The following ROR2 variants were observed in gnomAD, a reference collection of about 807,000 sequenced individuals.
The protein encoded by ROR2 is ROR family WNT receptor 2.
A neutral mutation model predicts 74.9 loss-of-function variants in ROR2; 33 were observed. That is an observed-to-expected ratio of 0.44 (90% CI 0.33 to 0.59). The LOEUF (loss-of-function observed/expected upper bound fraction) is 0.59. ROR2 is among the 20% of genes least tolerant of loss of function. The pLI, the probability that ROR2 is intolerant of heterozygous loss-of-function variation, is 0.02. For missense variants in ROR2, 1,216 were observed against 1,313.8 expected (o/e 0.93, Z 1.15); for synonymous variants, 586 against 558.7 (o/e 1.05, Z -0.69).
chr9:91,845,086 T>C (rs1449035592), intron 1 of ROR2, among the ~76,000 whole-genome samples: 2 of 152,186 alleles, frequency 1.3e-5, no homozygotes, highest in African/African-American at 4.8e-5. Context: ...TTGTATTTTC[T>C]GCCCTCCCCA....
chr9:91,735,923 T>G (rs1825009039), intron 5 of ROR2, among the ~76,000 whole-genome samples: 1 of 152,134 alleles, frequency 6.6e-6, no homozygotes, highest in African/African-American at 2.4e-5. Context: ...GCCACTTTTT[T>G]ATTTAATGAA....
intron 2 of ROR2, among the ~76,000 whole-genome samples, chr9:91,763,705 G>T (rs934637245): frequency 1.3e-5 from 2 of 152,154 alleles, no homozygotes; most frequent in Admixed American, 6.5e-5. Flanking sequence ...TGCATTAAGT[G>T]TAAAATTTTC....
chr9:91,748,685 T>C (rs1418702615), intron 4 of ROR2, among the ~76,000 whole-genome samples: 1 of 152,196 alleles, frequency 6.6e-6, no homozygotes. Context: ...CCTGGAAACA[T>C]ACTTAAGAAA....
Position 91,905,822 on chromosome 9 carries a change from C to A in ROR2, c.97+44045G>T, listed in dbSNP as rs528751375. ...CCAAGAACTAAGAGAGGGAGCCAAT[C>A]AACTTTTTTTTTTTAAGAGCTAAGA... On this transcript the variant is annotated intron_variant, in intron 1 of 8. Transcript: ENST00000375708. This position sits in a 1 kb window ranked among gnomAD's most constrained non-coding sequence, Gnocchi z 5.3. Among the ~76,000 whole-genome samples, 1 of 151,750 alleles carries A rather than the reference C, an allele frequency of 6.6e-6. No individual in the cohort carries two copies. The highest frequency in any genetic ancestry group is 2.1e-4 in the South Asian group (1 of 4,824).
chr9:91,853,017 G>C (rs888315549), intron 1 of ROR2, among the ~76,000 whole-genome samples: 3 of 152,262 alleles, frequency 2.0e-5, no homozygotes, highest in African/African-American at 7.2e-5. Context: ...GAGGTTGTGG[G>C]CGGGGGTGAG....
intron 1 of ROR2, among the ~76,000 whole-genome samples, chr9:91,805,330 C>A (rs1477341724): frequency 1.3e-5 from 2 of 152,232 alleles, no homozygotes; most frequent in Non-Finnish European, 2.9e-5. Flanking sequence ...CATTCCTTCT[C>A]CCAGCCTGGG....
At chr9:91,726,423 T>A in intron 8 of ROR2, 118 bp downstream of exon 8, 4 of 1,017,544 alleles carry the variant, frequency 3.9e-6, no homozygotes, top group South Asian at 1.4e-5. Flanking sequence ...TGAAGCGGAG[T>A]TTAAAATAAT....
chr9:91,831,392 C>A (rs1191442802), intron 1 of ROR2, among the ~76,000 whole-genome samples: 1 of 152,074 alleles, frequency 6.6e-6, no homozygotes, highest in Admixed American at 6.6e-5. Context: ...TTGGAAGGGA[C>A]CAGCCGCGTT....
chr9:91,743,731 A>C (rs1825319662), intron 4 of ROR2, among the ~76,000 whole-genome samples: 1 of 152,174 alleles, frequency 6.6e-6, no homozygotes, highest in African/African-American at 2.4e-5. Flanking sequence ...AAACACAGAC[A>C]ATACTAAAGA....
chr9:91,762,674 A>G (rs973938119), intron 2 of ROR2, among the ~76,000 whole-genome samples: 1 of 152,212 alleles, frequency 6.6e-6, no homozygotes, highest in Admixed American at 6.5e-5. Flanking sequence ...ATTCCAATGC[A>G]TATTTATATT....
At chr9:91,929,719 C>T (rs1455105451) in intron 1 of ROR2, among the ~76,000 whole-genome samples, 1 of 152,152 alleles carries the variant, frequency 6.6e-6, no homozygotes, top group African/African-American at 2.4e-5. Context: ...GGAGCCTCAA[C>T]TCTAAACCAC....
At chr9:91,904,461 G>C (rs192952033) in intron 1 of ROR2, among the ~76,000 whole-genome samples, 1 of 152,210 alleles carries the variant, frequency 6.6e-6, no homozygotes, top group Non-Finnish European at 1.5e-5. Context: ...GGTAGGGAGC[G>C]GTAGGACCTG....
rs779047326 is a variant in ROR2, at chr9:91,775,747, G to C, written c.169C>G (p.Leu57Val). 1.2e-6 allele frequency: 2 copies of C among 1,614,096 alleles called. No individual in the cohort carries two copies. The highest frequency in any genetic ancestry group is 1.7e-6 in the Non-Finnish European group (2 of 1,179,962). ...CCTGCATGTCCCAGCTCACCTTTCA[G>C]AGTTGGAATCGGGCCGTCCTGCCCA... ...LDGQDGPIPT[L>V]KGYFLNFLEP... The change falls in exon 2 of 9, where the codon CTG becomes GTG. Residue 57 changes from leucine to valine, a missense_variant. By Grantham distance (32) the Leu-to-Val change is conservative. Coordinates refer to ENST00000375708, the MANE Select transcript of ROR2 (RefSeq NM_004560.4).
chr9:91,742,026 A>T (rs1420112636), intron 4 of ROR2, among the ~76,000 whole-genome samples: 1 of 152,246 alleles, frequency 6.6e-6, no homozygotes, highest in African/African-American at 2.4e-5. Flanking sequence ...CCATTTTCAT[A>T]CCACTGATAA....
At chr9:91,803,444 A>G (rs2119066493) in intron 1 of ROR2, among the ~76,000 whole-genome samples, 1 of 152,364 alleles carries the variant, frequency 6.6e-6, no homozygotes, top group Admixed American at 6.5e-5. Flanking sequence ...TGCAGGATGA[A>G]AACAGTTTTG....
chr9:91,762,222 C>A (rs1451772892), intron 2 of ROR2, among the ~76,000 whole-genome samples: 1 of 152,208 alleles, frequency 6.6e-6, no homozygotes, highest in African/African-American at 2.4e-5. Context: ...TGTGGTTACA[C>A]TGGGCCTACC....
chr9:91,782,916 C>CT (rs1826671653), intron 1 of ROR2, among the ~76,000 whole-genome samples: 1 of 152,190 alleles, frequency 6.6e-6, no homozygotes, highest in African/African-American at 2.4e-5. Context: ...TGTTGGTTTC[C>CT]TAAGGCAGCC....
chr9:91,944,522 G>T (rs143644513), intron 1 of ROR2, among the ~76,000 whole-genome samples: 10 of 152,302 alleles, frequency 6.6e-5, no homozygotes, highest in African/African-American at 1.7e-4. Flanking sequence ...CAAGCTTGCA[G>T]GTTAGAAAAT....
At chr9:91,913,094 A>T (rs1250542906) in intron 1 of ROR2, among the ~76,000 whole-genome samples, 1 of 152,152 alleles carries the variant, frequency 6.6e-6, no homozygotes, top group Non-Finnish European at 1.5e-5. Flanking sequence ...ACGCCACTGC[A>T]CTCCAGCCTG....
Sources: allele counts gnomAD v4.1 joint callset (sites outside exome capture counted in the v4.1 genomes callset), GRCh38; gene constraint gnomAD v4.1.1; non-coding constraint Gnocchi (gnomAD v3.1); transcripts MANE v1.5; gene names NCBI Gene and HGNC (gene_info 2026-07-23, HGNC 2026-07-21).